LRRTM4: variants seen among roughly 807,000 people sequenced by gnomAD.
The protein encoded by LRRTM4 is leucine-rich repeat transmembrane neuronal protein 4.
LRRTM4 carries 25 observed loss-of-function variants against 47.6 expected under a neutral mutation model. The ratio of observed to expected loss-of-function variants is 0.53; its 90% CI spans 0.38 to 0.73. The LOEUF is 0.73. Ranked by LOEUF, LRRTM4 falls within the 30% of genes least tolerant of loss-of-function variation. The pLI is 0.00. For missense variants in LRRTM4, 638 were observed against 713.4 expected (o/e 0.89, Z 1.20); for synonymous variants, 311 against 269.5 (o/e 1.15, Z -1.51).
chr2:77,336,333 G>T (rs1450364798), intron 3 of LRRTM4, among the ~76,000 whole-genome samples: 1 of 151,840 alleles, frequency 6.6e-6, no homozygotes. Context: ...AGAAAGGAAG[G>T]AAGGGGCACA....
chr2:77,358,866 G>T (rs921653049), intron 3 of LRRTM4, among the ~76,000 whole-genome samples: 2 of 152,056 alleles, frequency 1.3e-5, no homozygotes, highest in African/African-American at 4.8e-5. Context: ...TGTGTATGGT[G>T]GCAGATCCAA....
At chr2:76,808,281 G>A (rs959516109) in intron 3 of LRRTM4, among the ~76,000 whole-genome samples, 7 of 151,878 alleles carry the variant, frequency 4.6e-5, no homozygotes, top group African/African-American at 1.5e-4. Flanking sequence ...ACCTCCCAAA[G>A]TGCTGGAGTG....
chr2:77,480,822 G>GTGGAGA (rs1222517611), intron 3 of LRRTM4, among the ~76,000 whole-genome samples: 55 of 74,516 alleles, frequency 7.4e-4, no homozygotes, highest in African/African-American at 2.0e-3. Context: ...GTGTGTGTGT[G>GTGGAGA]GAGAGAGAGA....
intron 3 of LRRTM4, among the ~76,000 whole-genome samples, chr2:77,169,881 T>C (rs1023117409): frequency 1.3e-5 from 2 of 152,226 alleles, no homozygotes; most frequent in African/African-American, 4.8e-5. Context: ...TTCTTCAATT[T>C]GTGTAAAGTT....
chr2:77,354,510 G>T, intron 3 of LRRTM4, among the ~76,000 whole-genome samples: 1 of 152,072 alleles, frequency 6.6e-6, no homozygotes, highest in East Asian at 1.9e-4. Context: ...TATGTGACTC[G>T]GTAAGTTTCC....
chr2:76,935,708 T>C (rs529273759), intron 3 of LRRTM4, among the ~76,000 whole-genome samples: 38 of 152,366 alleles, frequency 2.5e-4, no homozygotes, highest in African/African-American at 9.1e-4. Flanking sequence ...CCTGAGACTT[T>C]GCTGAAGTTG....
chr2:77,338,209 A>G lies in LRRTM4; in HGVS notation c.1551+180109T>C, dbSNP rs970453278. 1.6e-4 allele frequency among the ~76,000 whole-genome samples: 25 copies of G among 152,288 alleles called. 1 individual carries two copies. The highest frequency in any genetic ancestry group is 5.3e-4 in the African/African-American group (22 of 41,558). On this transcript the variant is annotated intron_variant, in intron 3 of 3. Coordinates refer to ENST00000409884, the MANE Select transcript of LRRTM4 (RefSeq NM_001134745.3). Reference sequence around the variant, plus strand: ...AATAATATATGACTAAGTCCTCAAAAGCAATTGCAACAGAAGCCAAAATGG... The same window carrying G: ...AATAATATATGACTAAGTCCTCAAAGGCAATTGCAACAGAAGCCAAAATGG...
chr2:77,181,549 T>C (rs1408456151), intron 3 of LRRTM4, among the ~76,000 whole-genome samples: 1 of 152,060 alleles, frequency 6.6e-6, no homozygotes, highest in Non-Finnish European at 1.5e-5. Flanking sequence ...AGATTTTAGG[T>C]ATAAAAGTAA....
intron 3 of LRRTM4, among the ~76,000 whole-genome samples, chr2:76,862,641 GCACA>G (rs148424206): frequency 6.6e-6 from 1 of 152,050 alleles, no homozygotes; most frequent in Non-Finnish European, 1.5e-5. Context: ...GCGTGCGCGC[GCACA>G]CACACACAAA....
intron 3 of LRRTM4, among the ~76,000 whole-genome samples, chr2:76,896,442 A>G (rs1673420851): frequency 6.6e-6 from 1 of 152,096 alleles, no homozygotes; most frequent in Admixed American, 6.6e-5. Flanking sequence ...AGAGTACTGC[A>G]AATTTTGTCC....
chr2:77,510,349 G>A (rs920635424), intron 3 of LRRTM4, among the ~76,000 whole-genome samples: 1 of 152,020 alleles, frequency 6.6e-6, no homozygotes, highest in Non-Finnish European at 1.5e-5. Context: ...CAGGAAGGAG[G>A]GAAGAATTGA....
intron 3 of LRRTM4, among the ~76,000 whole-genome samples, chr2:76,983,636 C>G (rs1558777793): frequency 6.6e-6 from 1 of 151,990 alleles, no homozygotes; most frequent in Non-Finnish European, 1.5e-5. Context: ...TTATTAGTAG[C>G]ATGAGAATAG....
intron 3 of LRRTM4, among the ~76,000 whole-genome samples, chr2:76,994,469 G>A (rs562310818): frequency 1.7e-4 from 26 of 151,864 alleles, no homozygotes; most frequent in Admixed American, 4.6e-4. Context: ...GTAAATCAGC[G>A]TGAAGCTTTG....
chr2:77,179,927 G>A (rs1573044929), intron 3 of LRRTM4, among the ~76,000 whole-genome samples: 1 of 152,076 alleles, frequency 6.6e-6, no homozygotes, highest in Non-Finnish European at 1.5e-5. Context: ...TAAGTGTATT[G>A]TATAAAGTTA....
chr2:76,823,028 C>T, intron 3 of LRRTM4, among the ~76,000 whole-genome samples: 1 of 151,016 alleles, frequency 6.6e-6, no homozygotes, highest in Non-Finnish European at 1.5e-5. Flanking sequence ...GCATTATGTC[C>T]AAAAACACTA....
intron 3 of LRRTM4, among the ~76,000 whole-genome samples, chr2:77,091,276 A>G (rs1357937387): frequency 6.7e-6 from 1 of 148,632 alleles, no homozygotes; most frequent in African/African-American, 2.6e-5. Flanking sequence ...AGTATAAGAT[A>G]CCTCTACTCC....
chr2:77,405,913 G>A (rs1249131012), intron 3 of LRRTM4, among the ~76,000 whole-genome samples: 9 of 152,100 alleles, frequency 5.9e-5, no homozygotes, highest in Non-Finnish European at 1.5e-5. Flanking sequence ...GTGTTCACAT[G>A]TCTGACTCTC....
intron 3 of LRRTM4, among the ~76,000 whole-genome samples, chr2:77,261,295 G>T (rs1675912290): frequency 6.6e-6 from 1 of 152,090 alleles, no homozygotes; most frequent in Non-Finnish European, 1.5e-5. Context: ...ACATTTCCCA[G>T]TCCTCTCACA....
intron 3 of LRRTM4, among the ~76,000 whole-genome samples, chr2:76,978,435 T>C (rs1190678237): frequency 1.3e-5 from 2 of 152,214 alleles, no homozygotes; most frequent in African/African-American, 2.4e-5. Flanking sequence ...CATGAAAATA[T>C]ATTTTTTACA....
Sources: allele counts gnomAD v4.1 joint callset (sites outside exome capture counted in the v4.1 genomes callset), GRCh38; gene constraint gnomAD v4.1.1; transcripts MANE v1.5; gene names NCBI Gene and HGNC (gene_info 2026-07-23, HGNC 2026-07-21).